The following HDAC7 variants were observed in gnomAD, a reference collection of about 807,000 sequenced individuals.
HDAC7 encodes the protein histone deacetylase 7.
HDAC7 carries 26 observed loss-of-function variants against 115.5 expected under a neutral mutation model. That is an observed-to-expected ratio of 0.23 (90% CI 0.16 to 0.31). The LOEUF (loss-of-function observed/expected upper bound fraction) is 0.31. HDAC7 is among the 10% of genes least tolerant of loss of function. The pLI is 1.00. For missense variants in HDAC7, 1,068 were observed against 1,329.0 expected, an observed-to-expected ratio of 0.80 and a Z score of 3.05; for synonymous variants, 564 against 550.9, an observed-to-expected ratio of 1.02 and a Z score of -0.33.
chr12:47,806,725 C>T (rs1454863801), intron 1 of HDAC7, among the ~76,000 whole-genome samples: 1 of 152,052 alleles, frequency 6.6e-6, no homozygotes, highest in African/African-American at 2.4e-5. Flanking sequence ...AGAATACCTA[C>T]TTCAAAGAGG....
chr12:47,809,873 C>T (rs1397867061), intron 1 of HDAC7, among the ~76,000 whole-genome samples: 3 of 152,024 alleles, frequency 2.0e-5, no homozygotes, highest in Non-Finnish European at 4.4e-5. Context: ...ACCAGGCCCC[C>T]ACTAAACATT....
rs1352450121 is a variant in HDAC7 at position 47,798,123 on chromosome 12, G to A, written c.446C>T (p.Pro149Leu). The stretch of plus-strand genomic sequence containing the variant: ...AGGGTGTTACCTGTAGGGAATGCCG[G>A]GGCTGTTGGGATGGACTGTTCTTTC... ...ALERTVHPNS[P>L]GIPYRTLEPL... The change falls in exon 5 of 26, where the codon CCC becomes CTC. Residue 149 changes from proline to leucine, a missense_variant. By Grantham distance (98) the Pro-to-Leu change is moderately conservative. Coordinates refer to ENST00000080059, the MANE Select transcript of HDAC7 (RefSeq NM_015401.5). The surrounding 1 kb of genome is among the most constrained non-coding windows in gnomAD (Gnocchi z 4.3). 1 of 1,613,282 alleles carries A rather than the reference G, an allele frequency of 6.2e-7. No individual in the cohort carries two copies. Among genetic ancestry groups the A allele is most frequent in the African/African-American group, 1.3e-5 (1 of 74,776 alleles).
intron 1 of HDAC7, chr12:47,802,589 G>C: frequency 3.1e-6 from 3 of 979,178 alleles, no homozygotes; most frequent in Non-Finnish European, 4.6e-6. Flanking sequence ...TCCCTCCTGT[G>C]GTCAGATACA....
At chr12:47,794,590 T>C (rs1332089599) in intron 12 of HDAC7, among the ~76,000 whole-genome samples, 170 bp downstream of exon 12, 2 of 152,248 alleles carry the variant, frequency 1.3e-5, no homozygotes, top group African/African-American at 2.4e-5. Context: ...TGCATGTGTG[T>C]GTGTGCCTAC....
Position 47,793,539 on chromosome 12 carries a change from C to T in HDAC7, c.1508G>A (p.Ser503Asn), listed in dbSNP as rs1482327940. 5.2e-6 allele frequency: 8 copies of T among 1,547,626 alleles called. No individual in the cohort carries two copies. Among genetic ancestry groups the T allele is most frequent in the Non-Finnish European group, 7.0e-6 (8 of 1,146,620 alleles). Residue 503 changes from serine (S) to asparagine (N), a missense_variant, in exon 13 of 26, where the codon AGC (serine) becomes AAC (asparagine). This residue lies in a region of HDAC7 where 618 missense variants were observed against 701.5 expected (regional missense o/e 0.88). Transcript: ENST00000080059. This position sits in a 1 kb window ranked among gnomAD's most constrained non-coding sequence, Gnocchi z 4.5. ...QRLAGRLPRG[S>N]TGDTVLLPLA... is the part of the protein sequence containing the mutation. ...AGGAAGCAGCACAGTGTCCCCGGTG[C>T]TGCCCCGGGGGAGCCGCCCAGCCAG...
At chr12:47,814,702 C>G (rs1944802868) in intron 1 of HDAC7, among the ~76,000 whole-genome samples, 1 of 152,202 alleles carries the variant, frequency 6.6e-6, no homozygotes, top group Non-Finnish European at 1.5e-5. Context: ...CAATTCAGCT[C>G]CAACCCTTAG....
At chr12:47,805,680 A>G (rs1944368506) in intron 1 of HDAC7, among the ~76,000 whole-genome samples, 1 of 152,242 alleles carries the variant, frequency 6.6e-6, no homozygotes, top group South Asian at 2.1e-4. Context: ...CTGAGCACAG[A>G]GGATCTGCTC....
chr12:47,784,484 A>G, intron 24 of HDAC7: 2 of 601,722 alleles, frequency 3.3e-6, no homozygotes, highest in Non-Finnish European at 2.9e-6. Flanking sequence ...CTGTGGCTGC[A>G]AGGCCACCTT....
intron 19 of HDAC7, 147 bp from the exon 20 acceptor site, chr12:47,788,311 G>C (rs1214261937): frequency 3.2e-6 from 3 of 940,552 alleles, no homozygotes; most frequent in Admixed American, 2.9e-5. Context: ...ACACGGTCGA[G>C]TGGCCCCACG....
intron 24 of HDAC7, 29 bp from the exon 25 acceptor site, chr12:47,784,246 T>G (rs1425399737): frequency 6.3e-7 from 1 of 1,596,878 alleles, no homozygotes; most frequent in South Asian, 1.1e-5. Context: ...TCAGAAAGGG[T>G]TGGAGAAAGC....
rs1259473391 is a variant in HDAC7, at chr12:47,803,028, G to A, written c.20-754C>T. Among the ~76,000 whole-genome samples the A allele has an allele frequency of 6.6e-6, 1 of 152,180 alleles. No individual in the cohort carries two copies. Among genetic ancestry groups the A allele is most frequent in the Non-Finnish European group, 1.5e-5 (1 of 68,038 alleles). ...ATCTGAGATAGAAATCTTTTCTTTT[G>A]GAAATGGCTACCTCTCTCAGGCTCC... is the stretch of plus-strand genomic sequence containing the variant. On this transcript the variant is annotated intron_variant, in intron 1 of 25. Coordinates refer to ENST00000080059, the MANE Select transcript of HDAC7 (RefSeq NM_015401.5). This position sits in a 1 kb window ranked among gnomAD's most constrained non-coding sequence, Gnocchi z 4.0.
Position 47,796,255 on chromosome 12 carries a change from G to A in HDAC7, c.747C>T (p.Ser249=). The A allele has an allele frequency of 6.2e-7, 1 of 1,600,658 alleles. No homozygotes were observed. Among genetic ancestry groups the A allele is most frequent in the Non-Finnish European group, 8.5e-7 (1 of 1,176,536 alleles). The change falls in exon 8 of 26, where the codon AGC becomes AGT. Residue 249 remains serine (S), a synonymous_variant. Transcript: ENST00000080059. ...SSSSTPASGC[S]SPNDSEHGPN... ...GGCCGTGCTCGCTGTCATTGGGGGA[G>A]CTGCACCCTGATGCGGGCGTGCTGC...
intron 19 of HDAC7, 96 bp downstream of exon 19, chr12:47,789,158 AGGCTACT>A: frequency 1.1e-6 from 1 of 873,112 alleles, no homozygotes; most frequent in South Asian, 1.5e-5. Flanking sequence ...AGGCTCAGAG[AGGCTACT>A]GCAGAACTAA....
chr12:47,790,155 C>A, intron 16 of HDAC7: 1 of 543,524 alleles, frequency 1.8e-6, no homozygotes, highest in Non-Finnish European at 3.3e-6. Context: ...CAGCACTCTG[C>A]TGGCAGCATC....
chr12:47,794,809 T>A lies in HDAC7; in HGVS notation c.1409A>T (p.His470Leu), dbSNP rs1447622067. ...GGGGCCTCTGGCCTCAGGCTGCCCA[T>A]GGCCCAGCTCCCTGTGCTCCAGGCC... is the stretch of plus-strand genomic sequence containing the variant. ...DDGLEHRELG[H>L]GQPEARGPAP... Residue 470 changes from histidine to leucine, a missense_variant, in exon 12 of 26, where the codon CAT becomes CTT. Transcript: ENST00000080059. 1.2e-6 allele frequency: 2 copies of A among 1,612,348 alleles called. No individual in the cohort carries two copies. The highest frequency in any genetic ancestry group is 3.3e-5 in the Admixed American group (2 of 59,914).
chr12:47,791,420 G>A, intron 15 of HDAC7, 112 bp from the exon 16 acceptor site: 1 of 1,372,250 alleles, frequency 7.3e-7, no homozygotes, highest in South Asian at 1.4e-5. Flanking sequence ...AGAGAAATAT[G>A]GAAGGGAGAG....
intron 13 of HDAC7, chr12:47,792,358 A>C: frequency 5.2e-6 from 2 of 383,034 alleles, no homozygotes; most frequent in South Asian, 5.3e-5. Context: ...AGAGCAAAGC[A>C]TGAGGCCTAA....
chr12:47,810,806 C>CGG (rs2137052779), intron 1 of HDAC7, among the ~76,000 whole-genome samples: 1 of 37,656 alleles, frequency 2.7e-5, no homozygotes, highest in East Asian at 1.4e-3. Flanking sequence ...AGGAAAAGGT[C>CGG]TCTCTCTCTC....
At position 47,798,996 on chromosome 12, in the gene HDAC7, G is replaced by A. The variant is rs540942088; in HGVS notation, c.71-24C>T. 54 of 1,452,312 alleles carry A rather than the reference G, an allele frequency of 3.7e-5. No homozygotes were observed. The South Asian group carries it at 7.1e-4, about 19-fold the overall frequency. The allele number at this position is 1,452,312 out of a possible 1,614,324, so 90.0% of individuals were successfully genotyped here. A position where few individuals can be genotyped will look rare whatever the true frequency, so the allele number is the denominator to read the frequency against. On this transcript the variant is annotated intron_variant, in intron 2 of 25. Transcript: ENST00000080059. This position sits in a 1 kb window ranked among gnomAD's most constrained non-coding sequence, Gnocchi z 4.3. ...GCCTAGGGACAGAGAGAGGGAGCAG[G>A]GTAAACTGGAAAGTTTGTCCTCGGG...
Sources: gnomAD v4.1 joint callset for allele counts (sites outside exome capture counted in the v4.1 genomes callset) on GRCh38, gnomAD v4.1.1 for gene constraint, gnomAD v4.1.1 regional missense constraint, Gnocchi (gnomAD v3.1) non-coding constraint, MANE v1.5 for transcripts, NCBI Gene and HGNC (gene_info 2026-07-23, HGNC 2026-07-21) for gene names.